ODF2: variants seen among roughly 807,000 people sequenced by gnomAD.
ODF2 encodes outer dense fiber protein 2.
In ODF2, 47 loss-of-function variants were observed where a neutral mutation model predicts 110.2. The observed-to-expected ratio is 0.43, with a 90% CI of 0.34 to 0.54. ODF2 has a LOEUF of 0.54. Ranked by LOEUF, ODF2 falls within the 20% of genes least tolerant of loss-of-function variation. ODF2 has a pLI of 0.03. For missense variants in ODF2, 812 were observed against 1,054.5 expected (o/e 0.77, Z 3.19); for synonymous variants, 352 against 397.7 (o/e 0.89, Z 1.37).
chr9:128,460,579 TC>T (rs1361227858), intron 3 of ODF2: 1 of 1,613,414 alleles, frequency 6.2e-7, no homozygotes, highest in African/African-American at 1.3e-5. Context: ...GCTCTTCAAC[TC>T]CCCCCTTACA....
At chr9:128,464,934 A>ATCTGC (rs1406699825) in intron 4 of ODF2, among the ~76,000 whole-genome samples, 1 of 148,028 alleles carries the variant, frequency 6.8e-6, no homozygotes, top group African/African-American at 2.5e-5. Context: ...ACCTCAAGTG[A>ATCTGC]TCTGCTCGCC....
intron 19 of ODF2, 75 bp downstream of exon 19, chr9:128,498,650 T>A: frequency 1.2e-6 from 1 of 857,784 alleles, no homozygotes. Context: ...TATTTCTCCA[T>A]CTGAAAAATG....
chr9:128,456,297 C>T (rs1382309336), intron 1 of ODF2, 42 bp downstream of exon 1: 32 of 1,510,926 alleles, frequency 2.1e-5, no homozygotes, highest in Admixed American at 9.5e-5. Context: ...CCCTCCGGGG[C>T]ACCGCGGGCG....
At chr9:128,499,628 TAGAC>T (rs1846235447) in intron 20 of ODF2, among the ~76,000 whole-genome samples, 2 of 151,660 alleles carry the variant, frequency 1.3e-5, no homozygotes, top group Admixed American at 1.3e-4. Flanking sequence ...TGTTTTGTTT[TAGAC>T]AGAGTTTCAT....
chr9:128,474,814 A>C (rs1024337824), intron 8 of ODF2, among the ~76,000 whole-genome samples: 2 of 149,830 alleles, frequency 1.3e-5, no homozygotes, highest in Non-Finnish European at 3.0e-5. Flanking sequence ...AAATACAAAA[A>C]TGAGCCTGGC....
upstream of ODF2, chr9:128,455,254 G>C: frequency 6.5e-7 from 1 of 1,534,082 alleles, no homozygotes; most frequent in African/African-American, 1.4e-5. Context: ...GGCATAGAGA[G>C]TGCAGGAGGG....
intron 18 of ODF2, chr9:128,497,481 A>ATATATATATG (rs1554857727): frequency 9.4e-5 from 11 of 116,678 alleles, no homozygotes; most frequent in African/African-American, 2.9e-4. Context: ...ATATATATAT[A>ATATATATATG]TATATGTATA....
intron 2 of ODF2, among the ~76,000 whole-genome samples, chr9:128,457,621 C>T (rs1230219926): frequency 6.6e-6 from 1 of 152,230 alleles, no homozygotes; most frequent in Non-Finnish European, 1.5e-5. Context: ...CTAGCTCTAC[C>T]TCCCTCGCTC....
At chr9:128,498,616 G>A in intron 19 of ODF2, 41 bp downstream of exon 19, 1 of 1,149,442 alleles carries the variant, frequency 8.7e-7, no homozygotes, top group Non-Finnish European at 1.3e-6. Flanking sequence ...TGTGACCTTG[G>A]GCAAATCACC....
At position 128,461,664 on chromosome 9, in the gene ODF2, C is replaced by T. The variant is rs572499944; in HGVS notation, c.249+597C>T. ...GAACTCCTGACCTCAGGTGATCCGC[C>T]CGCCTCGGCCTCCCAAGGTGTTGGG... is the stretch of plus-strand genomic sequence containing the variant. On this transcript the variant is annotated intron_variant, in intron 4 of 20. Transcript: ENST00000604420. Among the ~76,000 whole-genome samples, 12 of 152,258 alleles carry T rather than the reference C, an allele frequency of 7.9e-5. No individual in the cohort carries two copies. The South Asian group carries it at 2.3e-3, about 29-fold the overall frequency.
At chr9:128,468,020 T>C (rs1331100635) in intron 4 of ODF2, among the ~76,000 whole-genome samples, 2 of 152,234 alleles carry the variant, frequency 1.3e-5, no homozygotes, top group East Asian at 3.9e-4. Flanking sequence ...TACTGACGTA[T>C]TTAAAAAGTA....
intron 8 of ODF2, among the ~76,000 whole-genome samples, chr9:128,474,732 C>T (rs1431226902): frequency 4.6e-5 from 7 of 151,406 alleles, no homozygotes; most frequent in Admixed American, 2.0e-4. Context: ...GAGGCCGAGG[C>T]GGGCGGATCA....
At chr9:128,500,099 C>T (rs375915789) in exon 21 of ODF2, 118 of 1,614,152 alleles carry the variant, frequency 7.3e-5, no homozygotes, top group Non-Finnish European at 9.7e-5. Flanking sequence ...GGCTGCAAGA[C>T]CTGAAAGATC....
intron 8 of ODF2, among the ~76,000 whole-genome samples, chr9:128,479,706 G>T (rs923173182): frequency 4.6e-5 from 7 of 152,206 alleles, no homozygotes; most frequent in African/African-American, 1.7e-4. Context: ...CATGGGAACA[G>T]CCTCATTGTC....
chr9:128,460,410 ATG>A, intron 3 of ODF2, 138 bp from the exon 3 acceptor site: 12 of 1,459,050 alleles, frequency 8.2e-6, no homozygotes, highest in Non-Finnish European at 1.1e-5. Flanking sequence ...CCCTGCCTGC[ATG>A]CCAGTAGTTG....
chr9:128,466,984 A>T (rs1289706246), intron 4 of ODF2, among the ~76,000 whole-genome samples: 111 of 17,078 alleles, frequency 6.5e-3, no homozygotes, highest in African/African-American at 0.021. Context: ...CTCAATTAAA[A>T]AAAAAAAAAA....
chr9:128,484,631 C>A, intron 11 of ODF2, 70 bp from the exon 12 acceptor site: 1 of 1,493,644 alleles, frequency 6.7e-7, no homozygotes, highest in Non-Finnish European at 9.1e-7. Flanking sequence ...CTCCTTCACC[C>A]TCTGCTTTGC....
chr9:128,456,979 G>T, intron 1 of ODF2: 1 of 1,252,594 alleles, frequency 8.0e-7, no homozygotes, highest in Non-Finnish European at 1.0e-6. Flanking sequence ...TCCCTGCGCG[G>T]TTCTGGCCCT....
intron 6 of ODF2, 142 bp downstream of exon 6, chr9:128,471,610 A>G (rs2131752160): frequency 4.4e-6 from 3 of 680,624 alleles, no homozygotes; most frequent in South Asian, 1.9e-5. Flanking sequence ...CAGTCACACA[A>G]TTAATTACAG....
Sources: allele counts gnomAD v4.1 joint callset (sites outside exome capture counted in the v4.1 genomes callset), GRCh38; gene constraint gnomAD v4.1.1; transcripts MANE v1.5; gene names NCBI Gene and HGNC (gene_info 2026-07-23, HGNC 2026-07-21).